JMJD1C: variants seen among roughly 807,000 people sequenced by gnomAD.
JMJD1C encodes jumonji domain containing 1C.
JMJD1C carries 31 observed loss-of-function variants against 245.3 expected under a neutral mutation model. That is an observed-to-expected ratio of 0.13 (90% CI 0.09 to 0.17). JMJD1C has a LOEUF of 0.17. Ranked by LOEUF, JMJD1C falls within the 10% of genes least tolerant of loss-of-function variation. JMJD1C has a pLI of 1.00. For synonymous variants in JMJD1C, 1,057 were observed against 1,017.4 expected, an observed-to-expected ratio of 1.04 and a Z score of -0.74; for missense variants, 2,691 against 3,000.2, an observed-to-expected ratio of 0.90 and a Z score of 2.41.
At chr10:63,269,245 A>G in intron 2 of JMJD1C, 1 of 977,974 alleles carries the variant, frequency 1.0e-6, no homozygotes, top group Non-Finnish European at 1.2e-6. Flanking sequence ...GGGCACACTG[A>G]GAGAAGGGAA....
At chr10:63,190,860 C>A (rs1188272984) in intron 17 of JMJD1C, 34 bp downstream of exon 17, 1 of 1,551,118 alleles carries the variant, frequency 6.4e-7, no homozygotes, top group Non-Finnish European at 8.9e-7. Flanking sequence ...CTATTTAAGG[C>A]CCACATTAAA....
chr10:63,323,087 G>A (rs1411683616), intron 2 of JMJD1C, among the ~76,000 whole-genome samples: 1 of 151,982 alleles, frequency 6.6e-6, no homozygotes, highest in Non-Finnish European at 1.5e-5. Context: ...TGCCGCCTTG[G>A]GCAAGACCAA....
chr10:63,505,156 T>G (rs1954679167), intron 1 of JMJD1C, among the ~76,000 whole-genome samples: 1 of 151,680 alleles, frequency 6.6e-6, no homozygotes, highest in African/African-American at 2.4e-5. Context: ...ATTAAAAATA[T>G]TTTTTAAAAA....
At chr10:63,366,555 C>T (rs900548391) in intron 2 of JMJD1C, among the ~76,000 whole-genome samples, 2 of 152,180 alleles carry the variant, frequency 1.3e-5, no homozygotes, top group African/African-American at 4.8e-5. Flanking sequence ...ACAAGAATGA[C>T]ATTAACTTGC....
At chr10:63,220,835 G>A (rs941372135) in intron 3 of JMJD1C, among the ~76,000 whole-genome samples, 104 of 152,092 alleles carry the variant, frequency 6.8e-4, no homozygotes, top group South Asian at 4.2e-4. Flanking sequence ...AGGGCCGGGC[G>A]CGGTGGCTCA....
At chr10:63,411,909 T>A (rs76944646) in intron 1 of JMJD1C, among the ~76,000 whole-genome samples, 1 of 148,798 alleles carries the variant, frequency 6.7e-6, no homozygotes, top group Non-Finnish European at 1.5e-5. Context: ...GGCCCAATTT[T>A]TTTTTTTTTT....
At chr10:63,220,314 G>C (rs969551300) in intron 3 of JMJD1C, among the ~76,000 whole-genome samples, 4 of 152,122 alleles carry the variant, frequency 2.6e-5, no homozygotes, top group Admixed American at 2.0e-4. Flanking sequence ...AATAACATCA[G>C]GTCATTTAAA....
chr10:63,274,578 A>G (rs528850285), intron 2 of JMJD1C, among the ~76,000 whole-genome samples: 1 of 152,250 alleles, frequency 6.6e-6, no homozygotes, highest in Non-Finnish European at 1.5e-5. Context: ...AAAAAAAACA[A>G]AAAAGTTTTT....
chr10:63,504,270 C>T (rs1004982436), intron 1 of JMJD1C, among the ~76,000 whole-genome samples: 1 of 152,132 alleles, frequency 6.6e-6, no homozygotes, highest in African/African-American at 2.4e-5. Context: ...ACAGAGCTCA[C>T]ATTCTAATTG....
At position 63,214,281 on chromosome 10, in the gene JMJD1C, G is replaced by C. The variant is rs766627474; in HGVS notation, c.1886C>G (p.Thr629Ser). The C allele has an allele frequency of 6.2e-7, 1 of 1,614,018 alleles. No individual in the cohort carries two copies. The highest frequency in any genetic ancestry group is 1.3e-5 in the African/African-American group (1 of 75,048). ...TTTTATCTTGTGAGTATCTACTGAA[G>C]TATTAAGTTTAGATTTTATAGTCTC... is the stretch of plus-strand genomic sequence containing the variant. ...PPETIKSKLNTSVDTHKIKSS... is the reference protein window; with the variant it reads ...PPETIKSKLNSSVDTHKIKSS... The change falls in exon 8 of 26, where the codon ACT becomes AGT. Residue 629 changes from threonine (T) to serine (S), a missense_variant. Physicochemically the swap from Thr to Ser is moderately conservative, Grantham distance 58. Coordinates refer to ENST00000399262, the MANE Select transcript of JMJD1C (RefSeq NM_032776.3).
At chr10:63,189,044 T>C (rs1844458812) in intron 18 of JMJD1C, 124 bp downstream of exon 18, 1 of 744,106 alleles carries the variant, frequency 1.3e-6, no homozygotes, top group African/African-American at 1.8e-5. Context: ...TTATATCTTA[T>C]TGTCCCCCAA....
chr10:63,294,879 T>C (rs1859189233), intron 2 of JMJD1C, among the ~76,000 whole-genome samples: 2 of 152,162 alleles, frequency 1.3e-5, no homozygotes, highest in South Asian at 2.1e-4. Context: ...TTGAGGGTCA[T>C]TAAGGAAAAC....
intron 3 of JMJD1C, among the ~76,000 whole-genome samples, chr10:63,237,335 G>A (rs949279093): frequency 1.6e-5 from 2 of 127,972 alleles, no homozygotes; most frequent in African/African-American, 3.2e-5. Context: ...ACTGTGCCTC[G>A]CCAAACACTC....
chr10:63,213,034 A>C (rs1847548959), intron 8 of JMJD1C, among the ~76,000 whole-genome samples: 1 of 151,238 alleles, frequency 6.6e-6, no homozygotes, highest in African/African-American at 2.4e-5. Context: ...AAAAATACAA[A>C]AATCTGCCAG....
At chr10:63,361,389 C>T (rs1397354138) in intron 2 of JMJD1C, among the ~76,000 whole-genome samples, 1 of 152,138 alleles carries the variant, frequency 6.6e-6, no homozygotes, top group African/African-American at 2.4e-5. Flanking sequence ...CGCCATTGCA[C>T]TCCAGTCTGG....
chr10:63,203,154 AT>A, intron 10 of JMJD1C: 1 of 984,936 alleles, frequency 1.0e-6, no homozygotes, highest in Non-Finnish European at 1.2e-6. Context: ...TGATATTATA[AT>A]TTTTGCTTCT....
At chr10:63,363,187 G>A in intron 2 of JMJD1C, among the ~76,000 whole-genome samples, 1 of 151,784 alleles carries the variant, frequency 6.6e-6, no homozygotes, top group East Asian at 1.9e-4. Flanking sequence ...GTGGTGAAGA[G>A]GTTAGCTTGC....
chr10:63,208,999 A>T, intron 9 of JMJD1C, 64 bp downstream of exon 9: 1 of 1,387,764 alleles, frequency 7.2e-7, no homozygotes, highest in Non-Finnish European at 9.9e-7. Flanking sequence ...TTAACTATTT[A>T]AAAGGCAAAT....
intron 1 of JMJD1C, among the ~76,000 whole-genome samples, chr10:63,430,786 C>T (rs568044310): frequency 6.6e-6 from 1 of 152,214 alleles, no homozygotes; most frequent in South Asian, 2.1e-4. Flanking sequence ...CAAGAGCTCA[C>T]TCACTGGAGA....
Sources: gnomAD v4.1 joint callset for allele counts (sites outside exome capture counted in the v4.1 genomes callset) on GRCh38, gnomAD v4.1.1 for gene constraint, MANE v1.5 for transcripts, NCBI Gene and HGNC (gene_info 2026-07-23, HGNC 2026-07-21) for gene names.